PTBP1: variants seen among roughly 807,000 people sequenced by gnomAD.
PTBP1 encodes the protein polypyrimidine tract binding protein 1.
Under a neutral mutation model 59.8 loss-of-function variants are expected in PTBP1, and 8 were observed. The observed-to-expected ratio is 0.13, with a 90% CI of 0.08 to 0.24. The LOEUF (loss-of-function observed/expected upper bound fraction) is 0.24. Among genes scored for constraint, PTBP1 ranks in the 10% least tolerant of loss-of-function variants. The pLI, the probability that PTBP1 is intolerant of heterozygous loss-of-function variation, is 1.00. For missense variants in PTBP1, 686 were observed against 767.0 expected (o/e 0.89, Z 1.25); for synonymous variants, 490 against 320.7 (o/e 1.53, Z -5.64).
rs367782816 is a variant in PTBP1 at position 807,942 on chromosome 19, A to G, written c.1153+40A>G. The G allele has an allele frequency of 8.7e-5, 136 of 1,569,530 alleles. No homozygotes were observed. In the Middle Eastern group the frequency reaches 1.2e-3, roughly 13 times the overall value. On this transcript the variant is annotated intron_variant, in intron 11 of 14. Transcript: ENST00000356948. The stretch of plus-strand genomic sequence containing the variant: ...ACACTTTTATTACCTTGTTTTCATT[A>G]ATTGAGATGATTTTGATGCCCTGAG...
chr19:806,250 G>C (rs1410113569), intron 9 of PTBP1, 158 bp from the exon 10 acceptor site: 1 of 753,738 alleles, frequency 1.3e-6, no homozygotes. Flanking sequence ...GCTGTGCGGG[G>C]GTCGGACGAC....
Position 808,785 on chromosome 19 carries a change from C to T in PTBP1, c.1463+23C>T, listed in dbSNP as rs374670833. 6.5e-7 allele frequency: 1 copy of T among 1,533,726 alleles called. No individual in the cohort carries two copies. Among genetic ancestry groups the T allele is most frequent in the Non-Finnish European group, 8.9e-7 (1 of 1,118,356 alleles). On this transcript the variant is annotated intron_variant, in intron 13 of 14. Transcript: ENST00000356948. This position sits in a 1 kb window ranked among gnomAD's most constrained non-coding sequence, Gnocchi z 4.7. ...CCCGTGAGTGCTGGGCCGGGGGGCTCATGGGGCCGGGGGCGGGCAAGGGCT... is the reference window on the plus strand; with the variant it reads ...CCCGTGAGTGCTGGGCCGGGGGGCTTATGGGGCCGGGGGCGGGCAAGGGCT...
At chr19:798,103 C>T (rs956548072) in intron 1 of PTBP1, among the ~76,000 whole-genome samples, 3 of 151,698 alleles carry the variant, frequency 2.0e-5, no homozygotes, top group African/African-American at 4.8e-5. Flanking sequence ...CCTACCCCTG[C>T]CCCCCGTGCG....
intron 2 of PTBP1, among the ~76,000 whole-genome samples, chr19:801,967 G>GAC (rs1230766038): frequency 7.9e-5 from 12 of 152,314 alleles, no homozygotes; most frequent in African/African-American, 1.9e-4. Context: ...CGTGACACTG[G>GAC]ACACTGTTCA....
At position 804,039 on chromosome 19, in the gene PTBP1, A is replaced by G; in HGVS notation, c.119A>G (p.Asn40Ser). ...IMSSNSASAA[N>S]GNDSKKFKGD... ...TCTCATGGCACCCCCTTTTCAGCAA[A>G]CGGAAATGACAGCAAGAAGTTCAAA... The change falls in exon 4 of 15, where the codon AAC becomes AGC. Residue 40 changes from asparagine (N) to serine (S), a missense_variant. By Grantham distance (46) the Asn-to-Ser change is conservative. Coordinates refer to ENST00000356948, the MANE Select transcript of PTBP1 (RefSeq NM_002819.5). 6.2e-7 allele frequency: 1 copy of G among 1,613,914 alleles called. No individual in the cohort carries two copies. The highest frequency in any genetic ancestry group is 8.5e-7 in the Non-Finnish European group (1 of 1,179,974).
chr19:807,585 G>T, intron 10 of PTBP1: 4 of 408,830 alleles, frequency 9.8e-6, no homozygotes, highest in Non-Finnish European at 8.6e-6. Flanking sequence ...TTCTTGCCCT[G>T]ATCCGGAATT....
chr19:805,698 G>A, intron 9 of PTBP1, 129 bp downstream of exon 9: 1 of 802,182 alleles, frequency 1.2e-6, no homozygotes. Context: ...GCCCTTCCCG[G>A]GAGAGGGGAC....
chr19:806,268 G>A, intron 9 of PTBP1, 140 bp from the exon 10 acceptor site: 2 of 973,604 alleles, frequency 2.1e-6, no homozygotes, highest in Non-Finnish European at 2.8e-6. Context: ...GACCCCACAG[G>A]CACCCAGGGT....
chr19:801,929 C>A (rs2034354175), intron 2 of PTBP1, among the ~76,000 whole-genome samples: 1 of 152,208 alleles, frequency 6.6e-6, no homozygotes, highest in African/African-American at 2.4e-5. Context: ...TTGGCTTCAT[C>A]TGTGTCCGGC....
At chr19:802,818 C>G (rs573028660) in intron 2 of PTBP1, among the ~76,000 whole-genome samples, 7 of 152,314 alleles carry the variant, frequency 4.6e-5, no homozygotes, top group African/African-American at 1.7e-4. Flanking sequence ...TAGTGCAATT[C>G]TTAGAAGTTG....
chr19:798,080 C>A (rs1048155426), intron 1 of PTBP1, among the ~76,000 whole-genome samples: 1 of 151,758 alleles, frequency 6.6e-6, no homozygotes, highest in Non-Finnish European at 1.5e-5. Context: ...GCCCGAGTCT[C>A]TGCGCTCCCC....
chr19:809,933 C>G (rs116252903), intron 13 of PTBP1, among the ~76,000 whole-genome samples: 3 of 152,130 alleles, frequency 2.0e-5, no homozygotes, highest in African/African-American at 7.2e-5. Flanking sequence ...TTTGGAAATG[C>G]AGGTACATCT....
In PTBP1 at chr19:804,481, G is replaced by T. The variant is rs766371232; in HGVS notation, c.435+43G>T. 3.8e-6 allele frequency: 6 copies of T among 1,597,030 alleles called. No individual in the cohort carries two copies. In the Admixed American group the frequency reaches 8.5e-5, roughly 23 times the overall value. On this transcript the variant is annotated intron_variant, in intron 5 of 14. Transcript: ENST00000356948. ...GGACCCCAGCAGCCCGGGGACCTCG[G>T]GGGTGGGCCCAGCCGCAGGGGCCGG...
chr19:801,608 C>T (rs2034336837), intron 2 of PTBP1, among the ~76,000 whole-genome samples: 1 of 152,230 alleles, frequency 6.6e-6, no homozygotes, highest in Admixed American at 6.5e-5. Flanking sequence ...GGGGGAGGAC[C>T]AGCCCTGGTG....
At position 812,218 on chromosome 19, in the gene PTBP1, ACTC is replaced by A. The variant is rs2034918725; in HGVS notation, c.*1397_*1399del. 6.6e-6 allele frequency: 1 copy of A among 150,866 alleles called. No individual in the cohort carries two copies. The highest frequency in any genetic ancestry group is 1.5e-5 in the Non-Finnish European group (1 of 67,784). The allele number at this position is 150,866 out of a possible 1,614,324, so 9.3% of individuals were successfully genotyped here. ...AGAACCGATTAAAACCGTTTGAGAA[ACTC>A]CTCCCTTGTCTAGCCCTGTGTTCGC... On this transcript the variant is annotated 3_prime_UTR_variant, in exon 15 of 15. Coordinates refer to ENST00000356948, the MANE Select transcript of PTBP1 (RefSeq NM_002819.5).
intron 2 of PTBP1, among the ~76,000 whole-genome samples, chr19:802,343 TAAGAG>T (rs2034371223): frequency 1.3e-5 from 2 of 151,206 alleles, no homozygotes; most frequent in Middle Eastern, 3.4e-3. Context: ...GAGGCGGCCT[TAAGAG>T]AAGACCAAGC....
In PTBP1 at chr19:811,920, C is replaced by G. The variant is rs994808670; in HGVS notation, c.*1094C>G. ...TGCTGGGACCCGGAAGGCGGGCGCT[C>G]CTCCTGTCTTCTCTGTGCTCTTTCT... On this transcript the variant is annotated 3_prime_UTR_variant, in exon 15 of 15. Coordinates refer to ENST00000356948, the MANE Select transcript of PTBP1 (RefSeq NM_002819.5). 1 of 72,804 alleles carries G rather than the reference C, an allele frequency of 1.4e-5. No individual in the cohort carries two copies. Among genetic ancestry groups the G allele is most frequent in the African/African-American group, 4.6e-5 (1 of 21,948 alleles). 4.5% of individuals were successfully genotyped at this position (72,804 alleles called of 1,614,324 possible).
chr19:798,878 G>T (rs1230999399), intron 1 of PTBP1, among the ~76,000 whole-genome samples: 3 of 152,204 alleles, frequency 2.0e-5, no homozygotes, highest in Non-Finnish European at 2.9e-5. Flanking sequence ...TGTTCTGGTC[G>T]GTCTGTTAAT....
chr19:810,779 G>A lies in PTBP1; in HGVS notation c.1627G>A (p.Gly543Arg), dbSNP rs1169109323. ...CATTGACCTGCACAACCACGACCTC[G>A]GGGAGAACCACCACCTGCGGGTCTC... ...ALIDLHNHDLGENHHLRVSFS... is the reference protein window; with the variant it reads ...ALIDLHNHDLRENHHLRVSFS... The change falls in exon 15 of 15, where the codon GGG becomes AGG. Residue 543 changes from glycine (G) to arginine (R), a missense_variant. Gly to Arg is a moderately radical substitution (Grantham distance 125). Coordinates refer to ENST00000356948, the MANE Select transcript of PTBP1 (RefSeq NM_002819.5). 8 of 1,601,994 alleles carry A rather than the reference G, an allele frequency of 5.0e-6. No homozygotes were observed. Among genetic ancestry groups the A allele is most frequent in the Non-Finnish European group, 6.8e-6 (8 of 1,176,062 alleles).
Sources: allele counts gnomAD v4.1 joint callset (sites outside exome capture counted in the v4.1 genomes callset), GRCh38; gene constraint gnomAD v4.1.1; non-coding constraint Gnocchi (gnomAD v3.1); transcripts MANE v1.5; gene names NCBI Gene and HGNC (gene_info 2026-07-23, HGNC 2026-07-21).